The following KIAA0825 variants were observed in gnomAD, a reference collection of about 807,000 sequenced individuals.
The protein encoded by KIAA0825 is KIAA0825.
KIAA0825 carries 119 observed loss-of-function variants against 147.6 expected under a neutral mutation model. The ratio of observed to expected loss-of-function variants is 0.81; its 90% CI spans 0.69 to 0.94. The LOEUF (loss-of-function observed/expected upper bound fraction) is 0.94, where lower values mean the gene tolerates loss of function less well. Among genes scored for constraint, KIAA0825 ranks in the 40% least tolerant of loss-of-function variants. The pLI, the probability that KIAA0825 is intolerant of heterozygous loss-of-function variation, is 0.00. For synonymous variants in KIAA0825, 470 were observed against 518.1 expected, an observed-to-expected ratio of 0.91 and a Z score of 1.26; for missense variants, 1,381 against 1,472.7, an observed-to-expected ratio of 0.94 and a Z score of 1.02.
chr5:94,580,434 G>A (rs1244111293), intron 2 of KIAA0825, among the ~76,000 whole-genome samples: 1 of 152,108 alleles, frequency 6.6e-6, no homozygotes, highest in East Asian at 1.9e-4. Flanking sequence ...ATACAGACCT[G>A]CCCTGTAAAA....
intron 15 of KIAA0825, chr5:94,413,733 T>C (rs1167275515): frequency 2.0e-5 from 3 of 152,200 alleles, no homozygotes; most frequent in Admixed American, 6.5e-5. Context: ...GATTTATACA[T>C]TGGTCAAACT....
At chr5:94,308,345 G>T (rs1778878342) in intron 20 of KIAA0825, among the ~76,000 whole-genome samples, 1 of 151,604 alleles carries the variant, frequency 6.6e-6, no homozygotes. Context: ...GCACTTACAG[G>T]AGAGAGAATG....
At chr5:94,545,631 T>G (rs1435900824) in intron 2 of KIAA0825, among the ~76,000 whole-genome samples, 2 of 152,062 alleles carry the variant, frequency 1.3e-5, no homozygotes, top group Non-Finnish European at 2.9e-5. Flanking sequence ...CCAGCTGCCT[T>G]GATGAGAAGG....
At position 94,417,373 on chromosome 5, in the gene KIAA0825, G is replaced by A. The variant is rs1303017626; in HGVS notation, c.2498-8C>T. ...CTGTGTCGGAAACTTGTTCTTGAAAGGTACGTTCTTGAAAGGAATCAAAAT... is the reference window on the plus strand; with the variant it reads ...CTGTGTCGGAAACTTGTTCTTGAAAAGTACGTTCTTGAAAGGAATCAAAAT... On this transcript the variant is annotated splice_polypyrimidine_tract_variant and splice_region_variant and intron_variant, in intron 14 of 20. Transcript: ENST00000682413. The A allele has an allele frequency of 1.3e-6, 2 of 1,536,276 alleles. No homozygotes were observed. The highest frequency in any genetic ancestry group is 2.5e-5 in the East Asian group (1 of 40,504).
intron 1 of KIAA0825, among the ~76,000 whole-genome samples, chr5:94,603,918 T>C (rs1467467763): frequency 1.3e-5 from 2 of 152,182 alleles, no homozygotes; most frequent in African/African-American, 4.8e-5. Flanking sequence ...AGCACCCAGA[T>C]TCATAAAGCA....
chr5:94,585,885 C>T (rs895587180), intron 1 of KIAA0825, among the ~76,000 whole-genome samples: 4 of 152,190 alleles, frequency 2.6e-5, no homozygotes, highest in Non-Finnish European at 5.9e-5. Context: ...GATTAAGAAA[C>T]TCACTCAAAA....
chr5:94,584,808 C>A (rs113038596), intron 1 of KIAA0825, among the ~76,000 whole-genome samples: 11,105 of 152,160 alleles, frequency 0.073, 452 homozygotes, highest in South Asian at 0.11. Context: ...ATGTTACCCA[C>A]AAAGGGAAGC....
At chr5:94,458,751 T>A (rs2150939015) in intron 12 of KIAA0825, among the ~76,000 whole-genome samples, 1 of 151,722 alleles carries the variant, frequency 6.6e-6, no homozygotes, top group South Asian at 2.1e-4. Context: ...TACCTTTTTT[T>A]TAAAAAAAAA....
At chr5:94,480,913 G>A (rs918813982) in intron 6 of KIAA0825, among the ~76,000 whole-genome samples, 5 of 148,238 alleles carry the variant, frequency 3.4e-5, no homozygotes, top group Non-Finnish European at 6.0e-5. Context: ...TTACTAACAT[G>A]GGATCTACAC....
intron 13 of KIAA0825, among the ~76,000 whole-genome samples, chr5:94,449,988 G>A (rs1758197424): frequency 6.6e-6 from 1 of 152,044 alleles, no homozygotes; most frequent in Non-Finnish European, 1.5e-5. Context: ...GCTGAGGCAG[G>A]AGAATCGCTT....
chr5:94,302,300 C>T (rs2150181229), intron 20 of KIAA0825, among the ~76,000 whole-genome samples: 1 of 152,242 alleles, frequency 6.6e-6, no homozygotes, highest in African/African-American at 2.4e-5. Context: ...CCGCGTCACT[C>T]TTCATTTGTA....
intron 1 of KIAA0825, among the ~76,000 whole-genome samples, chr5:94,588,391 A>G (rs1714688285): frequency 2.0e-5 from 3 of 152,232 alleles, no homozygotes. Context: ...ATGAACAGAC[A>G]CTTTTCAAAA....
chr5:94,342,932 A>G (rs1032987325), intron 20 of KIAA0825, among the ~76,000 whole-genome samples: 2 of 152,162 alleles, frequency 1.3e-5, no homozygotes, highest in African/African-American at 4.8e-5. Flanking sequence ...AGTATCAATA[A>G]TCTCTTCATT....
intron 5 of KIAA0825, chr5:94,519,957 A>T: frequency 2.0e-6 from 2 of 991,996 alleles, no homozygotes; most frequent in South Asian, 7.6e-5. Flanking sequence ...GTATACACAC[A>T]GTTTCACAAA....
At chr5:94,553,482 G>A (rs527493556) in intron 2 of KIAA0825, among the ~76,000 whole-genome samples, 4 of 150,402 alleles carry the variant, frequency 2.7e-5, no homozygotes, top group Non-Finnish European at 4.4e-5. Context: ...AAATATTTAC[G>A]GCTGGGCGCA....
At chr5:94,548,759 AC>A (rs1280644953) in intron 2 of KIAA0825, among the ~76,000 whole-genome samples, 1 of 152,162 alleles carries the variant, frequency 6.6e-6, no homozygotes, top group Non-Finnish European at 1.5e-5. Context: ...AAACAAACAA[AC>A]AAAAGGCAGC....
At chr5:94,309,534 T>C (rs1778974885) in intron 20 of KIAA0825, among the ~76,000 whole-genome samples, 1 of 151,746 alleles carries the variant, frequency 6.6e-6, no homozygotes, top group Admixed American at 6.6e-5. Context: ...CTCAGTGCTA[T>C]GCTGTTCAGG....
chr5:94,492,991 C>T (rs1763908380), intron 5 of KIAA0825, among the ~76,000 whole-genome samples: 2 of 152,180 alleles, frequency 1.3e-5, no homozygotes, highest in East Asian at 3.8e-4. Context: ...ATGTGATCAT[C>T]ATCTTTTAGA....
chr5:94,509,959 T>C (rs1766255945), intron 5 of KIAA0825, among the ~76,000 whole-genome samples: 1 of 152,148 alleles, frequency 6.6e-6, no homozygotes, highest in Admixed American at 6.5e-5. Context: ...AAAAGAATGT[T>C]AACAATGATT....
Sources: gnomAD v4.1 joint callset for allele counts (sites outside exome capture counted in the v4.1 genomes callset) on GRCh38, gnomAD v4.1.1 for gene constraint, MANE v1.5 for transcripts, NCBI Gene and HGNC (gene_info 2026-07-23, HGNC 2026-07-21) for gene names.